WDPCP: variants seen among roughly 807,000 people sequenced by gnomAD.
The protein encoded by WDPCP is WD repeat containing planar cell polarity effector, also known as WD repeat-containing and planar cell polarity effector protein fritz homolog.
A neutral mutation model predicts 93.1 loss-of-function variants in WDPCP; 71 were observed. The observed-to-expected ratio is 0.76, with a 90% confidence interval of 0.63 to 0.93. WDPCP has a LOEUF of 0.93. Among genes scored for constraint, WDPCP ranks in the 40% least tolerant of loss-of-function variants. The pLI is 0.00. For synonymous variants in WDPCP, 315 were observed against 315.0 expected, an observed-to-expected ratio of 1.00 and a Z score of 0.00; for missense variants, 844 against 887.4, an observed-to-expected ratio of 0.95 and a Z score of 0.62.
At chr2:63,684,825 T>G (rs931848851) in intron 2 of WDPCP, 27 of 353,932 alleles carry the variant, frequency 7.6e-5, no homozygotes, top group African/African-American at 5.1e-4. Flanking sequence ...ATAGGAATTT[T>G]GGAAACTATA....
intron 6 of WDPCP, among the ~76,000 whole-genome samples, chr2:63,446,175 G>T (rs1484678908): frequency 6.6e-6 from 1 of 152,078 alleles, no homozygotes; most frequent in South Asian, 2.1e-4. Flanking sequence ...TAAACCAGGG[G>T]TCCCCAATGC....
At chr2:63,573,335 C>T (rs1209800629) in intron 1 of WDPCP, among the ~76,000 whole-genome samples, 3 of 151,906 alleles carry the variant, frequency 2.0e-5, no homozygotes, top group African/African-American at 4.8e-5. Context: ...GGGCCCTGAA[C>T]GGAGGGACCG....
At chr2:63,147,245 T>C (rs1671580431) in intron 17 of WDPCP, among the ~76,000 whole-genome samples, 1 of 152,132 alleles carries the variant, frequency 6.6e-6, no homozygotes, top group Non-Finnish European at 1.5e-5. Flanking sequence ...AGCAGCATTG[T>C]GGAGGCTAGA....
intron 14 of WDPCP, among the ~76,000 whole-genome samples, chr2:63,227,863 T>C (rs1014351999): frequency 1.7e-4 from 26 of 152,212 alleles, no homozygotes; most frequent in African/African-American, 6.0e-4. Flanking sequence ...GTTCAAAAGG[T>C]ACATTTATTT....
chr2:63,403,420 C>A (rs1397317195), intron 10 of WDPCP, among the ~76,000 whole-genome samples: 1 of 124,472 alleles, frequency 8.0e-6, no homozygotes, highest in Non-Finnish European at 1.8e-5. Context: ...CACAAACCTA[C>A]ATAAAAGTTA....
At chr2:63,588,950 G>A, upstream of WDPCP, 1 of 1,579,922 alleles carries the variant, frequency 6.3e-7, no homozygotes, top group South Asian at 1.1e-5. Flanking sequence ...CGCTAACACC[G>A]CTCGCCCTCT....
At chr2:63,797,939 G>C (rs1670639920) in intron 2 of WDPCP, among the ~76,000 whole-genome samples, 1 of 152,106 alleles carries the variant, frequency 6.6e-6, no homozygotes, top group Admixed American at 6.5e-5. Flanking sequence ...CAAGAGAAAA[G>C]AAACAAATAA....
chr2:63,588,831 G>A, upstream of WDPCP: 1 of 625,534 alleles, frequency 1.6e-6, no homozygotes, highest in South Asian at 1.9e-5. Flanking sequence ...TCTGGTATCG[G>A]GAAGTGTAGT....
intron 1 of WDPCP, among the ~76,000 whole-genome samples, chr2:63,515,151 T>C (rs1403538891): frequency 2.6e-5 from 4 of 152,188 alleles, no homozygotes; most frequent in Admixed American, 6.5e-5. Flanking sequence ...TAAAATATTT[T>C]AATATATTTA....
chr2:63,659,454 T>A (rs1392864132), intron 2 of WDPCP, among the ~76,000 whole-genome samples: 1 of 152,002 alleles, frequency 6.6e-6, no homozygotes. Context: ...TGTATCCTTA[T>A]AAAAGAGAGG....
At chr2:63,184,469 A>G (rs1355665708) in intron 14 of WDPCP, among the ~76,000 whole-genome samples, 3 of 152,068 alleles carry the variant, frequency 2.0e-5, no homozygotes, top group Non-Finnish European at 4.4e-5. Context: ...TATTTATGAA[A>G]CTTATTTTAG....
chr2:63,394,436 G>A (rs1396398075), intron 10 of WDPCP, among the ~76,000 whole-genome samples: 1 of 152,058 alleles, frequency 6.6e-6, no homozygotes, highest in African/African-American at 2.4e-5. Flanking sequence ...TACACTGCTA[G>A]TGGGAACGTA....
intron 2 of WDPCP, among the ~76,000 whole-genome samples, chr2:63,812,442 T>C (rs1670877056): frequency 6.6e-6 from 1 of 152,224 alleles, no homozygotes; most frequent in Non-Finnish European, 1.5e-5. Flanking sequence ...ACGGCATTGC[T>C]GGGTCATATG....
intron 12 of WDPCP, among the ~76,000 whole-genome samples, chr2:63,334,655 G>A (rs1688224362): frequency 6.6e-6 from 1 of 152,100 alleles, no homozygotes; most frequent in African/African-American, 2.4e-5. Context: ...CTTTAGCTTA[G>A]TGAGTTTGGG....
chr2:63,839,263 G>A, the WDPCP span, among the ~76,000 whole-genome samples: 1 of 152,190 alleles, frequency 6.6e-6, no homozygotes, highest in Non-Finnish European at 1.5e-5. Context: ...AATAAACCTT[G>A]TATAATTAAA....
chr2:63,564,907 T>C (rs1706918128), intron 1 of WDPCP, among the ~76,000 whole-genome samples: 1 of 151,932 alleles, frequency 6.6e-6, no homozygotes, highest in African/African-American at 2.4e-5. Context: ...CCTCCCGAGT[T>C]GTCAGTATTA....
intron 7 of WDPCP, among the ~76,000 whole-genome samples, chr2:63,438,838 T>C (rs1697317567): frequency 6.6e-6 from 1 of 152,102 alleles, no homozygotes; most frequent in Non-Finnish European, 1.5e-5. Context: ...TTCCTTTGAT[T>C]ACTAAATTTA....
chr2:63,736,615 G>A (rs1449608201), intron 2 of WDPCP, among the ~76,000 whole-genome samples: 1 of 152,154 alleles, frequency 6.6e-6, no homozygotes, highest in Non-Finnish European at 1.5e-5. Flanking sequence ...AAGGAAAAGG[G>A]CATCAGTCTC....
intron 14 of WDPCP, among the ~76,000 whole-genome samples, chr2:63,205,076 C>A (rs1676229476): frequency 6.6e-6 from 1 of 152,104 alleles, no homozygotes; most frequent in Non-Finnish European, 1.5e-5. Context: ...TCCAGTTTTC[C>A]CAGTACCATT....
Sources: gnomAD v4.1 joint callset for allele counts (sites outside exome capture counted in the v4.1 genomes callset) on GRCh38, gnomAD v4.1.1 for gene constraint, MANE v1.5 for transcripts, NCBI Gene and HGNC (gene_info 2026-07-23, HGNC 2026-07-21) for gene names.